Variants in NOL10 observed in about 807,000 individuals in gnomAD.
NOL10 encodes the protein H_NH0074G24.1.
In NOL10, 58 loss-of-function variants were observed where a neutral mutation model predicts 103.5. That is an observed-to-expected ratio of 0.56 (90% CI 0.45 to 0.70). The LOEUF (loss-of-function observed/expected upper bound fraction) is 0.70, where lower values mean the gene tolerates loss of function less well. NOL10 is among the 30% of genes least tolerant of loss of function. The probability of loss-of-function intolerance (pLI) is 0.00; values close to 1 mark genes in which losing one functional copy is unlikely to be tolerated. For missense variants in NOL10, 763 were observed against 807.3 expected (o/e 0.95, Z 0.67); for synonymous variants, 287 against 282.5 (o/e 1.02, Z -0.16).
chr2:10,594,737 T>C (rs1258726938), intron 17 of NOL10, among the ~76,000 whole-genome samples: 2 of 152,122 alleles, frequency 1.3e-5, no homozygotes, highest in Non-Finnish European at 2.9e-5. Flanking sequence ...GTGCCTGTAA[T>C]CCCAACACTT....
intron 3 of NOL10, among the ~76,000 whole-genome samples, chr2:10,677,429 GA>G (rs200010071): frequency 6.6e-4 from 92 of 139,818 alleles, no homozygotes; most frequent in South Asian, 4.3e-3. Flanking sequence ...TTCGTTTAAA[GA>G]AAAAAAAAAG....
At chr2:10,677,929 A>C (rs1216523159) in intron 3 of NOL10, among the ~76,000 whole-genome samples, 1 of 148,696 alleles carries the variant, frequency 6.7e-6, no homozygotes, top group Admixed American at 6.8e-5. Context: ...CCATATAGAC[A>C]GATACATATA....
Position 10,589,161 on chromosome 2 carries a change from G to A in NOL10, c.1726C>T (p.Arg576Trp), listed in dbSNP as rs149749353. ...RLLQQEEKVK[R>W]QERLKEDQQT... is the part of the protein sequence containing the mutation. ...TGGTCCTCCTTGAGTCGTTCCTGCCGCTTCACTTTTTCCTCCTGCTGGAGG... is the reference window on the plus strand; with the variant it reads ...TGGTCCTCCTTGAGTCGTTCCTGCCACTTCACTTTTTCCTCCTGCTGGAGG... Residue 576 changes from arginine (R) to tryptophan (W), a missense_variant, in exon 19 of 21, where the codon CGG (arginine) becomes TGG (tryptophan). Coordinates refer to ENST00000381685, the MANE Select transcript of NOL10 (RefSeq NM_024894.4). 566 of 1,613,960 alleles carry A rather than the reference G, an allele frequency of 3.5e-4. 2 individuals carry two copies. The African/African-American group carries it at 6.3e-3, about 18-fold the overall frequency.
chr2:10,635,638 G>T (rs771488712), intron 13 of NOL10, among the ~76,000 whole-genome samples: 1 of 152,124 alleles, frequency 6.6e-6, no homozygotes, highest in Non-Finnish European at 1.5e-5. Context: ...CCTTCACAGC[G>T]CTTAGTCACA....
At chr2:10,649,063 A>T (rs949820581) in intron 12 of NOL10, among the ~76,000 whole-genome samples, 1 of 152,150 alleles carries the variant, frequency 6.6e-6, no homozygotes, top group Non-Finnish European at 1.5e-5. Flanking sequence ...AAGGGCTGCC[A>T]TTTTTATTAG....
At chr2:10,577,588 G>C (rs12473957) in intron 20 of NOL10, 48 bp downstream of exon 20, 509,218 of 1,323,550 alleles carry the variant, frequency 0.38, 101,006 homozygotes, top group Non-Finnish European at 0.41. Context: ...CTATTGAAAG[G>C]CTATTTTTCT....
chr2:10,632,120 T>A (rs563278490), intron 13 of NOL10, among the ~76,000 whole-genome samples: 1 of 152,128 alleles, frequency 6.6e-6, no homozygotes, highest in South Asian at 2.1e-4. Context: ...ATTGCAGTAA[T>A]CAGGTCACTC....
intron 13 of NOL10, among the ~76,000 whole-genome samples, chr2:10,638,117 AC>A (rs1678394761): frequency 6.6e-6 from 1 of 152,114 alleles, no homozygotes. Context: ...TCCTCTCTCT[AC>A]AAAAAAACAG....
chr2:10,685,712 ATATT>A (rs1339974620), intron 1 of NOL10, among the ~76,000 whole-genome samples: 3 of 152,136 alleles, frequency 2.0e-5, no homozygotes, highest in South Asian at 2.1e-4. Context: ...CATTAAACAA[ATATT>A]TATTTAGTAC....
chr2:10,674,533 A>T (rs1681165983), intron 4 of NOL10, among the ~76,000 whole-genome samples: 1 of 152,180 alleles, frequency 6.6e-6, no homozygotes, highest in African/African-American at 2.4e-5. Flanking sequence ...TTATAATCAT[A>T]TGAGCCCTTT....
At chr2:10,629,745 C>A (rs1442265174) in intron 13 of NOL10, among the ~76,000 whole-genome samples, 2 of 152,190 alleles carry the variant, frequency 1.3e-5, no homozygotes, top group South Asian at 2.1e-4. Flanking sequence ...ACTAAACAAT[C>A]CCAAATCATG....
chr2:10,666,804 G>C (rs1680593570), intron 8 of NOL10, among the ~76,000 whole-genome samples: 1 of 151,918 alleles, frequency 6.6e-6, no homozygotes, highest in Non-Finnish European at 1.5e-5. Context: ...TTGGCATATA[G>C]CACTTAGGAA....
chr2:10,632,330 T>C (rs1048208553), intron 13 of NOL10, among the ~76,000 whole-genome samples: 3 of 152,230 alleles, frequency 2.0e-5, no homozygotes, highest in African/African-American at 7.2e-5. Context: ...TCACGAGCCA[T>C]ATGGTCTCTG....
At chr2:10,643,933 G>C (rs116373694) in intron 13 of NOL10, among the ~76,000 whole-genome samples, 5,041 of 152,226 alleles carry the variant, frequency 0.033, 293 homozygotes, top group African/African-American at 0.12. Context: ...TGTAGACCCA[G>C]GTTCCTCAAT....
rs147915518 is a variant in NOL10 at position 10,659,193 on chromosome 2, T to G, written c.735A>C (p.Ala245=). ...TTACCTGCCCTGTGGTTGTTCCAAC[T>G]GCCATGGTCAAGGCACCATTAAATT... The part of the protein sequence containing the change: ...ALKFNGALTM[A]VGTTTGQVLL... Residue 245 remains alanine (A), a synonymous_variant, in exon 10 of 21, where the codon GCA becomes GCC. Transcript: ENST00000381685. 24 of 1,604,420 alleles carry G rather than the reference T, an allele frequency of 1.5e-5. No individual in the cohort carries two copies. The African/African-American group carries it at 3.2e-4, about 21-fold the overall frequency.
At chr2:10,654,609 A>C in intron 11 of NOL10, 62 bp from the exon 12 acceptor site, 1 of 997,122 alleles carries the variant, frequency 1.0e-6, no homozygotes, top group Non-Finnish European at 1.5e-6. Context: ...TGGCAATGTC[A>C]AACTGAAGCT....
At chr2:10,656,415 TTTTC>T (rs1241802379) in intron 11 of NOL10, among the ~76,000 whole-genome samples, 7 of 152,198 alleles carry the variant, frequency 4.6e-5, no homozygotes, top group East Asian at 1.9e-4. Flanking sequence ...AAAGCCTGTC[TTTTC>T]TTTATGTTCT....
chr2:10,689,933 C>G lies in NOL10; in HGVS notation c.-72G>C, dbSNP rs988220433. 3 of 1,416,676 alleles carry G rather than the reference C, an allele frequency of 2.1e-6. No homozygotes were observed. In the African/African-American group the frequency reaches 4.3e-5, roughly 20 times the overall value. The allele number at this position is 1,416,676 out of a possible 1,614,324, so 87.8% of individuals were successfully genotyped here. On this transcript the variant is annotated 5_prime_UTR_variant, in exon 1 of 21. Transcript: ENST00000381685. ...TGCTCGAGCACCGTAATCCCGGGAC[C>G]TCCGAGCCCCTGCTCCGCGGCGTGC... is the stretch of plus-strand genomic sequence containing the variant.
Position 10,589,309 on chromosome 2 carries a change from A to T in NOL10, c.1597-19T>A, listed in dbSNP as rs550976880. ...CCTCTTCCTGAGAATAAAAATAGTAAGCAGCAACTCCTTTCCCCCAGTCAA... is the reference window on the plus strand; with the variant it reads ...CCTCTTCCTGAGAATAAAAATAGTATGCAGCAACTCCTTTCCCCCAGTCAA... On this transcript the variant is annotated intron_variant, in intron 18 of 20. Transcript: ENST00000381685. The T allele has an allele frequency of 3.7e-6, 6 of 1,611,738 alleles. No homozygotes were observed. In the African/African-American group the frequency reaches 8.0e-5, roughly 22 times the overall value.
Sources: allele counts gnomAD v4.1 joint callset (sites outside exome capture counted in the v4.1 genomes callset), GRCh38; gene constraint gnomAD v4.1.1; transcripts MANE v1.5; gene names NCBI Gene and HGNC (gene_info 2026-07-23, HGNC 2026-07-21).